Variants in ATF6 observed in about 807,000 individuals in gnomAD.
The protein encoded by ATF6 is activating transcription factor 6, also known as cyclic AMP-dependent transcription factor ATF-6 alpha.
Under a neutral mutation model 83.6 loss-of-function variants are expected in ATF6, and 53 were observed. That is an observed-to-expected ratio of 0.63 (90% CI 0.51 to 0.80). ATF6 has a LOEUF of 0.80. Ranked by LOEUF, ATF6 falls within the 30% of genes least tolerant of loss-of-function variation. The pLI, the probability that ATF6 is intolerant of heterozygous loss-of-function variation, is 0.00. For synonymous variants in ATF6, 288 were observed against 285.8 expected, an observed-to-expected ratio of 1.01 and a Z score of -0.08; for missense variants, 744 against 797.9, an observed-to-expected ratio of 0.93 and a Z score of 0.81.
intron 15 of ATF6, among the ~76,000 whole-genome samples, chr1:161,955,337 A>G (rs1688945357): frequency 6.6e-6 from 1 of 152,204 alleles, no homozygotes; most frequent in African/African-American, 2.4e-5. Context: ...CAACGATTGA[A>G]GGTGGCTTTC....
At chr1:161,903,671 A>G (rs1558018274) in intron 14 of ATF6, among the ~76,000 whole-genome samples, 1 of 152,198 alleles carries the variant, frequency 6.6e-6, no homozygotes, top group Non-Finnish European at 1.5e-5. Context: ...TTTATAAACA[A>G]TCGGTGCAAT....
intron 14 of ATF6, among the ~76,000 whole-genome samples, chr1:161,868,606 G>A (rs1299913884): frequency 1.3e-5 from 2 of 151,814 alleles, no homozygotes; most frequent in South Asian, 2.1e-4. Flanking sequence ...GAGCCATTGA[G>A]AGAAGTCACA....
At chr1:161,812,548 A>G (rs1199847262) in intron 7 of ATF6, among the ~76,000 whole-genome samples, 38 of 150,336 alleles carry the variant, frequency 2.5e-4, no homozygotes, top group African/African-American at 9.0e-4. Context: ...GCCCGCCACT[A>G]CGCCCGGCTA....
intron 1 of ATF6, among the ~76,000 whole-genome samples, chr1:161,775,067 T>C (rs1402349770): frequency 6.6e-6 from 1 of 152,114 alleles, no homozygotes; most frequent in Admixed American, 6.5e-5. Flanking sequence ...CAAATGAACA[T>C]GTTAAAAAGA....
At chr1:161,951,359 T>C (rs1190592848) in intron 15 of ATF6, among the ~76,000 whole-genome samples, 1 of 152,270 alleles carries the variant, frequency 6.6e-6, no homozygotes, top group Admixed American at 6.5e-5. Context: ...TATTCTGCGA[T>C]GGCACTTTCT....
intron 1 of ATF6, among the ~76,000 whole-genome samples, chr1:161,769,842 G>A (rs552738120): frequency 1.3e-5 from 2 of 152,120 alleles, no homozygotes; most frequent in South Asian, 2.1e-4. Flanking sequence ...CTGACAGGTC[G>A]TGGAGCTCAG....
At chr1:161,864,461 A>G (rs1399320673) in intron 14 of ATF6, among the ~76,000 whole-genome samples, 1 of 152,220 alleles carries the variant, frequency 6.6e-6, no homozygotes, top group Non-Finnish European at 1.5e-5. Context: ...GAGCAAATTC[A>G]TTCTCTGATT....
intron 6 of ATF6, 38 bp downstream of exon 6, chr1:161,792,365 G>A: frequency 6.4e-7 from 1 of 1,567,076 alleles, no homozygotes; most frequent in Non-Finnish European, 8.8e-7. Context: ...AAATTTATTT[G>A]GAGGGCAGTA....
intron 2 of ATF6, among the ~76,000 whole-genome samples, chr1:161,780,255 G>A (rs1367093398): frequency 6.6e-6 from 1 of 151,918 alleles, no homozygotes; most frequent in Non-Finnish European, 1.5e-5. Flanking sequence ...CAATAAAAAT[G>A]AACCATATAG....
intron 4 of ATF6, among the ~76,000 whole-genome samples, chr1:161,786,881 G>A (rs1684759661): frequency 6.6e-6 from 1 of 152,188 alleles, no homozygotes; most frequent in Admixed American, 6.5e-5. Context: ...TCAGAATCAA[G>A]CATTGCATGT....
At chr1:161,867,563 T>G (rs1160134240) in intron 14 of ATF6, among the ~76,000 whole-genome samples, 1 of 152,172 alleles carries the variant, frequency 6.6e-6, no homozygotes, top group African/African-American at 2.4e-5. Context: ...AGGAAAGAAT[T>G]TCTTCCTGGG....
intron 15 of ATF6, among the ~76,000 whole-genome samples, chr1:161,951,350 A>G (rs1373365331): frequency 6.6e-6 from 1 of 152,264 alleles, no homozygotes; most frequent in Non-Finnish European, 1.5e-5. Context: ...TTCTGGAACT[A>G]TTCTGCGATG....
intron 9 of ATF6, among the ~76,000 whole-genome samples, chr1:161,842,724 C>T (rs1296604391): frequency 3.3e-5 from 5 of 152,104 alleles, no homozygotes; most frequent in African/African-American, 1.2e-4. Context: ...TCACCAAATG[C>T]CACCTGTTCC....
chr1:161,830,691 A>G (rs1394031988), intron 9 of ATF6, among the ~76,000 whole-genome samples: 1 of 152,256 alleles, frequency 6.6e-6, no homozygotes, highest in Non-Finnish European at 1.5e-5. Flanking sequence ...AAACCAAGCA[A>G]TGGGGAAAGG....
intron 3 of ATF6, 40 bp from the exon 4 acceptor site, chr1:161,783,950 T>TA: frequency 7.5e-7 from 1 of 1,328,044 alleles, no homozygotes; most frequent in Non-Finnish European, 1.1e-6. Flanking sequence ...TATAAGTTTT[T>TA]ATTGTCCAGT....
rs775430212 is a variant in ATF6 at position 161,819,680 on chromosome 1, C to T, written c.957C>T (p.Ser319=). The T allele has an allele frequency of 7.5e-6, 12 of 1,609,598 alleles. No homozygotes were observed. The highest frequency in any genetic ancestry group is 3.4e-5 in the Admixed American group (2 of 59,396). ...AACGTATGATAAAAAATCGAGAATC[C>T]GCTTGTCAGTCTCGCAAGAAGAAGA... ...RQQRMIKNRE[S]ACQSRKKKKE... The change falls in exon 8 of 16, where the codon TCC becomes TCT. Residue 319 remains serine, a synonymous_variant. Coordinates refer to ENST00000367942, the MANE Select transcript of ATF6 (RefSeq NM_007348.4).
chr1:161,781,193 G>A (rs1349669816), intron 2 of ATF6, among the ~76,000 whole-genome samples: 3 of 152,122 alleles, frequency 2.0e-5, no homozygotes. Context: ...GGATGACCCA[G>A]AATATGCTTA....
At chr1:161,904,049 G>A (rs1358376812) in intron 14 of ATF6, among the ~76,000 whole-genome samples, 1 of 152,126 alleles carries the variant, frequency 6.6e-6, no homozygotes, top group African/African-American at 2.4e-5. Flanking sequence ...TGTTTTAGAA[G>A]GACCTACCAT....
At chr1:161,813,731 C>G (rs2340714) in intron 7 of ATF6, among the ~76,000 whole-genome samples, 9 of 151,984 alleles carry the variant, frequency 5.9e-5, no homozygotes, top group African/African-American at 2.2e-4. Context: ...TACAAGGTGA[C>G]GTGATTTATT....
Sources: gnomAD v4.1 joint callset for allele counts (sites outside exome capture counted in the v4.1 genomes callset) on GRCh38, gnomAD v4.1.1 for gene constraint, MANE v1.5 for transcripts, NCBI Gene and HGNC (gene_info 2026-07-23, HGNC 2026-07-21) for gene names.